The following DLG2 variants were observed in gnomAD, a reference collection of about 807,000 sequenced individuals.
DLG2 encodes the protein disks large homolog 2.
In DLG2, 45 loss-of-function variants were observed where a neutral mutation model predicts 132.5. The observed-to-expected ratio is 0.34, with a 90% CI of 0.27 to 0.44. The LOEUF is 0.44. DLG2 is among the 20% of genes least tolerant of loss of function. DLG2 has a pLI of 1.00. For missense variants in DLG2, 1,045 were observed against 1,196.9 expected, an observed-to-expected ratio of 0.87 and a Z score of 1.87; for synonymous variants, 424 against 419.6, an observed-to-expected ratio of 1.01 and a Z score of -0.13.
chr11:84,673,287 G>A (rs12285431), intron 6 of DLG2, among the ~76,000 whole-genome samples: 71,708 of 151,856 alleles, frequency 0.47, 19,317 homozygotes, highest in African/African-American at 0.76. Flanking sequence ...TTGCTAGGCT[G>A]CTATTATTTG....
At chr11:83,492,726 G>A (rs2093928038) in intron 21 of DLG2, among the ~76,000 whole-genome samples, 1 of 151,882 alleles carries the variant, frequency 6.6e-6, no homozygotes, top group South Asian at 2.1e-4. Context: ...CATCCAATTG[G>A]TTAATAAATC....
chr11:84,364,256 T>C (rs1052929048), intron 7 of DLG2, among the ~76,000 whole-genome samples: 11 of 152,270 alleles, frequency 7.2e-5, no homozygotes, highest in African/African-American at 2.6e-4. Context: ...CTAGGTATTT[T>C]ATCCTCTTTG....
At position 84,040,828 on chromosome 11, in the gene DLG2, T is replaced by C. The variant is rs1055376545; in HGVS notation, c.919+18487A>G. 9.2e-5 allele frequency among the ~76,000 whole-genome samples: 14 copies of C among 151,964 alleles called. No individual in the cohort carries two copies. The East Asian group carries it at 1.4e-3, about 15-fold the overall frequency. ...ACCTTGGGCAGTATGGCCATTTTCA[T>C]GATATTGATTCTTCCTACGCATGAG... On this transcript the variant is annotated intron_variant, in intron 11 of 27. Coordinates refer to ENST00000376104, the MANE Select transcript of DLG2 (RefSeq NM_001142699.3).
intron 7 of DLG2, among the ~76,000 whole-genome samples, chr11:84,337,163 T>C (rs1225553259): frequency 1.3e-5 from 2 of 152,206 alleles, no homozygotes; most frequent in African/African-American, 4.8e-5. Context: ...AATTACGTTA[T>C]GGGCTACGGG....
intron 7 of DLG2, among the ~76,000 whole-genome samples, chr11:84,384,040 G>T (rs1421620892): frequency 6.8e-6 from 1 of 147,812 alleles, no homozygotes; most frequent in Non-Finnish European, 1.5e-5. Flanking sequence ...AAAATTTCAA[G>T]AGCAGTTACT....
chr11:84,260,408 A>G (rs2154356987), intron 7 of DLG2, among the ~76,000 whole-genome samples: 1 of 152,328 alleles, frequency 6.6e-6, no homozygotes, highest in Non-Finnish European at 1.5e-5. Flanking sequence ...ATACGTACTT[A>G]CACTTAGTAT....
intron 6 of DLG2, among the ~76,000 whole-genome samples, chr11:85,037,279 G>T (rs1477626062): frequency 2.0e-5 from 3 of 152,174 alleles, no homozygotes; most frequent in Non-Finnish European, 4.4e-5. Context: ...TATAGGCTTT[G>T]TAGTTAGGCA....
At chr11:85,468,064 G>T (rs568333973) in intron 3 of DLG2, among the ~76,000 whole-genome samples, 3 of 152,160 alleles carry the variant, frequency 2.0e-5, no homozygotes, top group South Asian at 4.1e-4. Context: ...GAGGAATTTA[G>T]CCATTTCTTC....
At chr11:85,198,519 CATTATAGA>C (rs1315304750) in intron 4 of DLG2, among the ~76,000 whole-genome samples, 1 of 151,902 alleles carries the variant, frequency 6.6e-6, no homozygotes, top group Admixed American at 6.5e-5. Flanking sequence ...TAAATGTACA[CATTATAGA>C]ATTATAGAAT....
At chr11:85,621,910 G>A (rs1196025423) in intron 2 of DLG2, among the ~76,000 whole-genome samples, 1 of 152,156 alleles carries the variant, frequency 6.6e-6, no homozygotes, top group Non-Finnish European at 1.5e-5. Flanking sequence ...TTGTACTGTG[G>A]GTAAAATGCT....
rs138777175 is a variant in DLG2 at position 85,324,675 on chromosome 11, G to A, written c.41-39310C>T. Among the ~76,000 whole-genome samples, 330 of 152,298 alleles carry A rather than the reference G, an allele frequency of 2.2e-3. 1 individual carries two copies. The highest frequency in any genetic ancestry group is 7.7e-3 in the African/African-American group (320 of 41,572). On this transcript the variant is annotated intron_variant, in intron 3 of 27. Coordinates refer to ENST00000376104, the MANE Select transcript of DLG2 (RefSeq NM_001142699.3). The stretch of plus-strand genomic sequence containing the variant: ...TACACAAGAGGTTTTGAGGTTTGCT[G>A]TATTTGTGAAGAATTCAGGACCAAA...
At chr11:85,239,903 T>C (rs550535630) in intron 4 of DLG2, among the ~76,000 whole-genome samples, 73 of 152,094 alleles carry the variant, frequency 4.8e-4, no homozygotes, top group South Asian at 6.2e-4. Context: ...GAAGTTTCTC[T>C]AGGGTATATA....
chr11:84,113,694 AGT>A (rs2093479804), intron 9 of DLG2, among the ~76,000 whole-genome samples: 1 of 152,224 alleles, frequency 6.6e-6, no homozygotes, highest in Non-Finnish European at 1.5e-5. Flanking sequence ...TGCATAGCTC[AGT>A]GAATCAATAA....
At chr11:84,314,671 G>C (rs1247933688) in intron 7 of DLG2, among the ~76,000 whole-genome samples, 1 of 151,704 alleles carries the variant, frequency 6.6e-6, no homozygotes, top group Non-Finnish European at 1.5e-5. Flanking sequence ...CAGAAAAATT[G>C]AAATAATATA....
intron 19 of DLG2, chr11:83,632,000 T>G (rs1354257570): frequency 6.6e-6 from 1 of 152,192 alleles, no homozygotes; most frequent in East Asian, 1.9e-4. Flanking sequence ...AGTCACAGAT[T>G]ACAATTAAGG....
intron 4 of DLG2, among the ~76,000 whole-genome samples, chr11:85,162,813 G>A (rs1376454666): frequency 6.6e-6 from 1 of 152,122 alleles, no homozygotes; most frequent in Non-Finnish European, 1.5e-5. Flanking sequence ...TTGACAAGGG[G>A]TGGACTTGTG....
rs544081223 is a variant in DLG2, at chr11:83,974,924, T to C, written c.1056+5582A>G. Among the ~76,000 whole-genome samples, 6 of 152,162 alleles carry C rather than the reference T, an allele frequency of 3.9e-5. No individual in the cohort carries two copies. The East Asian group carries it at 1.2e-3, about 29-fold the overall frequency. The stretch of plus-strand genomic sequence containing the variant: ...GGAAAGAAAACACAAGAACTAATTC[T>C]CTGTAAAAGGTATAAAAGTTCTCTC... On this transcript the variant is annotated intron_variant, in intron 12 of 27. Transcript: ENST00000376104.
At chr11:83,724,895 C>T (rs1292107751) in intron 18 of DLG2, 8 of 702,508 alleles carry the variant, frequency 1.1e-5, no homozygotes, top group Middle Eastern at 2.3e-4. Context: ...TTCAGCATAG[C>T]AGGCAGCTGC....
chr11:84,777,128 G>A (rs1377706332), intron 6 of DLG2, among the ~76,000 whole-genome samples: 7 of 151,502 alleles, frequency 4.6e-5, no homozygotes, highest in Admixed American at 2.6e-4. Context: ...ACCCATTTAT[G>A]AGTGAGAACA....
Sources: gnomAD v4.1 joint callset for allele counts (sites outside exome capture counted in the v4.1 genomes callset) on GRCh38, gnomAD v4.1.1 for gene constraint, MANE v1.5 for transcripts, NCBI Gene and HGNC (gene_info 2026-07-23, HGNC 2026-07-21) for gene names.